Variants in DLG2 observed in about 807,000 individuals in gnomAD.
The protein encoded by DLG2 is discs large MAGUK scaffold protein 2, also known as disks large homolog 2.
DLG2 carries 45 observed loss-of-function variants against 132.5 expected under a neutral mutation model. That is an observed-to-expected ratio of 0.34 (90% CI 0.27 to 0.44). The LOEUF is 0.44. DLG2 is among the 20% of genes least tolerant of loss of function. DLG2 has a pLI of 1.00. For missense variants in DLG2, 1,045 were observed against 1,196.9 expected (o/e 0.87, Z 1.87); for synonymous variants, 424 against 419.6 (o/e 1.01, Z -0.13).
intron 4 of DLG2, among the ~76,000 whole-genome samples, chr11:85,225,265 C>G (rs1375511514): frequency 6.6e-6 from 1 of 152,118 alleles, no homozygotes; most frequent in Non-Finnish European, 1.5e-5. Context: ...TGTCTCTCCT[C>G]AGCTATTTCT....
At chr11:84,182,870 A>G (rs1354688868) in intron 8 of DLG2, among the ~76,000 whole-genome samples, 1 of 133,086 alleles carries the variant, frequency 7.5e-6, no homozygotes, top group Non-Finnish European at 1.7e-5. Context: ...AAGAAAAAAA[A>G]TGACAAAATT....
At chr11:83,587,440 T>C (rs993445862) in intron 19 of DLG2, among the ~76,000 whole-genome samples, 2 of 152,178 alleles carry the variant, frequency 1.3e-5, no homozygotes, top group African/African-American at 4.8e-5. Flanking sequence ...CAGCTATTTT[T>C]TTATATTTTT....
intron 7 of DLG2, among the ~76,000 whole-genome samples, chr11:84,286,645 A>G (rs1043349818): frequency 2.6e-5 from 4 of 152,228 alleles, no homozygotes; most frequent in Non-Finnish European, 4.4e-5. Flanking sequence ...TTTGAATAGC[A>G]AGATCTATAT....
intron 22 of DLG2, among the ~76,000 whole-genome samples, chr11:83,474,312 C>G (rs949322500): frequency 2.6e-5 from 4 of 152,090 alleles, no homozygotes; most frequent in Admixed American, 6.6e-5. Flanking sequence ...TACTAACCCC[C>G]AGTTATCTAA....
intron 18 of DLG2, among the ~76,000 whole-genome samples, chr11:83,740,580 C>T (rs866707901): frequency 2.0e-5 from 3 of 152,112 alleles, no homozygotes; most frequent in Admixed American, 6.6e-5. Flanking sequence ...TAGGTATCTT[C>T]ACTATGTATT....
chr11:85,205,382 A>G (rs1426814085), intron 4 of DLG2, among the ~76,000 whole-genome samples: 1 of 151,960 alleles, frequency 6.6e-6, no homozygotes, highest in Non-Finnish European at 1.5e-5. Flanking sequence ...AGAGACTGAG[A>G]AGGCTATAAG....
chr11:85,322,527 A>T (rs1409412592), intron 3 of DLG2, among the ~76,000 whole-genome samples: 1 of 152,156 alleles, frequency 6.6e-6, no homozygotes, highest in African/African-American at 2.4e-5. Flanking sequence ...TTGCTTCCCT[A>T]TGTAGACTGT....
At chr11:83,783,215 G>C (rs2094908308) in intron 18 of DLG2, among the ~76,000 whole-genome samples, 2 of 152,108 alleles carry the variant, frequency 1.3e-5, no homozygotes, top group African/African-American at 4.8e-5. Context: ...CTACTACCAT[G>C]AACCAGACAC....
intron 8 of DLG2, among the ~76,000 whole-genome samples, chr11:84,168,931 T>C (rs1158724792): frequency 6.6e-6 from 1 of 152,120 alleles, no homozygotes; most frequent in Non-Finnish European, 1.5e-5. Context: ...GTATCTCTTA[T>C]AGTAAATATG....
chr11:85,533,199 T>C (rs563121260), intron 3 of DLG2, among the ~76,000 whole-genome samples: 1 of 152,014 alleles, frequency 6.6e-6, no homozygotes, highest in Admixed American at 6.6e-5. Context: ...AATTTTTGTA[T>C]TTTTAGTAGA....
chr11:84,916,412 A>G (rs1180875555), intron 6 of DLG2, among the ~76,000 whole-genome samples: 1 of 150,006 alleles, frequency 6.7e-6, no homozygotes, highest in Admixed American at 6.7e-5. Context: ...ATTACTTATC[A>G]AAGTATTTTT....
At chr11:84,067,552 C>CCAA (rs1436571083) in intron 10 of DLG2, among the ~76,000 whole-genome samples, 1 of 97,518 alleles carries the variant, frequency 1.0e-5, no homozygotes, top group East Asian at 3.0e-4. Context: ...TAATACACCC[C>CCAA]CCACCACACA....
chr11:85,153,045 C>T (rs1048714376), intron 5 of DLG2, among the ~76,000 whole-genome samples: 1 of 152,160 alleles, frequency 6.6e-6, no homozygotes, highest in African/African-American at 2.4e-5. Context: ...AGAGCATTTA[C>T]CTATCAATCC....
At chr11:85,355,714 T>C (rs1359791234) in intron 3 of DLG2, among the ~76,000 whole-genome samples, 1 of 151,636 alleles carries the variant, frequency 6.6e-6, no homozygotes, top group Non-Finnish European at 1.5e-5. Flanking sequence ...ATATCAGGCA[T>C]CCCAAGCTCC....
intron 6 of DLG2, among the ~76,000 whole-genome samples, chr11:84,642,042 G>A (rs1162947629): frequency 2.8e-5 from 4 of 143,644 alleles, no homozygotes; most frequent in Admixed American, 2.0e-4. Flanking sequence ...ACATGCATAC[G>A]TATATATGTA....
At chr11:84,590,374 G>C (rs2099539881) in intron 6 of DLG2, among the ~76,000 whole-genome samples, 1 of 152,110 alleles carries the variant, frequency 6.6e-6, no homozygotes, top group East Asian at 1.9e-4. Flanking sequence ...GCTATGCTTG[G>C]CACGTTTTTT....
At chr11:83,882,032 C>A (rs11233777) in intron 15 of DLG2, among the ~76,000 whole-genome samples, 15,560 of 151,886 alleles carry the variant, frequency 0.1, 911 homozygotes, top group Middle Eastern at 0.2. Context: ...TTCTTACCTA[C>A]ATTTAAAGAA....
chr11:84,287,733 CT>C (rs1329460719), intron 7 of DLG2, among the ~76,000 whole-genome samples: 1 of 123,692 alleles, frequency 8.1e-6, no homozygotes, highest in Non-Finnish European at 1.7e-5. Flanking sequence ...ATATTTTTCT[CT>C]CTCTTAGACA....
Position 84,401,903 on chromosome 11 carries a change from G to C in DLG2, c.519+132667C>G, listed in dbSNP as rs1226009999. ...CGTCACTTTTTAGCATATTTTATTT[G>C]CACGTTTGACATGTTTGAAGCAGAT... On this transcript the variant is annotated intron_variant, in intron 7 of 27. Transcript: ENST00000376104. Among the ~76,000 whole-genome samples, 3 of 152,222 alleles carry C rather than the reference G, an allele frequency of 2.0e-5. No homozygotes were observed. The East Asian group carries it at 5.8e-4, about 29-fold the overall frequency.
Sources: allele counts gnomAD v4.1 joint callset (sites outside exome capture counted in the v4.1 genomes callset), GRCh38; gene constraint gnomAD v4.1.1; transcripts MANE v1.5; gene names NCBI Gene and HGNC (gene_info 2026-07-23, HGNC 2026-07-21).